Variants in GABRA4 observed in about 807,000 individuals in gnomAD.
GABRA4 encodes gamma-aminobutyric acid type A receptor subunit alpha4, also known as gamma-aminobutyric acid receptor subunit alpha-4.
Under a neutral mutation model 49.7 loss-of-function variants are expected in GABRA4, and 12 were observed. The ratio of observed to expected loss-of-function variants is 0.24; its 90% CI spans 0.15 to 0.39. The LOEUF is 0.39. GABRA4 is among the 10% of genes least tolerant of loss of function. GABRA4 has a pLI of 1.00. For synonymous variants in GABRA4, 288 were observed against 240.2 expected (o/e 1.20, Z -1.84); for missense variants, 506 against 686.0 (o/e 0.74, Z 2.93).
intron 8 of GABRA4, among the ~76,000 whole-genome samples, chr4:46,956,764 AACTGGGGAAAAATATATT>A (rs1193990060): frequency 2.0e-5 from 3 of 152,018 alleles, no homozygotes; most frequent in African/African-American, 7.2e-5. Flanking sequence ...ACTTTTTGAA[AACTGGGGAAAAATATATT>A]ACTTTTTAAA....
rs1721120037 is a variant in GABRA4, at chr4:46,923,904, C to G, written c.*4321G>C. On this transcript the variant is annotated 3_prime_UTR_variant, in exon 9 of 9. Coordinates refer to ENST00000264318, the MANE Select transcript of GABRA4 (RefSeq NM_000809.4). Reference sequence around the variant, plus strand: ...TTCACCCTTACCTCCAAACACAGAACTAAGAATTTGTAGTAAGAGTTCCCC... The same window carrying G: ...TTCACCCTTACCTCCAAACACAGAAGTAAGAATTTGTAGTAAGAGTTCCCC... 6.6e-6 allele frequency: 1 copy of G among 152,068 alleles called. No individual in the cohort carries two copies. The highest frequency in any genetic ancestry group is 6.6e-5 in the Admixed American group (1 of 15,232). 9.4% of individuals were successfully genotyped at this position (152,068 alleles called of 1,614,324 possible). A position where few individuals can be genotyped will look rare whatever the true frequency, so the allele number is the denominator to read the frequency against.
chr4:46,942,316 C>G (rs544315275), intron 8 of GABRA4, among the ~76,000 whole-genome samples: 1 of 152,082 alleles, frequency 6.6e-6, no homozygotes, highest in South Asian at 2.1e-4. Flanking sequence ...TCCACTTCTT[C>G]GTCTGTCACT....
chr4:46,945,601 A>G (rs895954268), intron 8 of GABRA4, among the ~76,000 whole-genome samples: 7 of 152,130 alleles, frequency 4.6e-5, no homozygotes, highest in African/African-American at 1.2e-4. Flanking sequence ...TAAATCTTCC[A>G]TGAATATCTC....
intron 2 of GABRA4, among the ~76,000 whole-genome samples, chr4:46,984,603 A>G (rs924632242): frequency 1.3e-5 from 2 of 152,100 alleles, no homozygotes; most frequent in Non-Finnish European, 2.9e-5. Context: ...AACAACAAAA[A>G]TAAAAATAAA....
At chr4:46,944,570 G>T (rs183798380) in intron 8 of GABRA4, among the ~76,000 whole-genome samples, 1 of 152,180 alleles carries the variant, frequency 6.6e-6, no homozygotes, top group African/African-American at 2.4e-5. Flanking sequence ...CTCTAGCCAG[G>T]ATGTCTTAGT....
chr4:46,945,806 A>G (rs114424777), intron 8 of GABRA4, among the ~76,000 whole-genome samples: 290 of 152,260 alleles, frequency 1.9e-3, no homozygotes, highest in African/African-American at 6.7e-3. Context: ...AAAGTAGCCT[A>G]CAGGCTTTTT....
intron 6 of GABRA4, among the ~76,000 whole-genome samples, chr4:46,971,554 C>G (rs1302767651): frequency 6.6e-6 from 1 of 151,280 alleles, no homozygotes; most frequent in African/African-American, 2.4e-5. Flanking sequence ...TCATTTTCAG[C>G]GTTTTTTAGA....
intron 6 of GABRA4, among the ~76,000 whole-genome samples, chr4:46,973,677 A>G (rs1723034871): frequency 6.6e-6 from 1 of 151,872 alleles, no homozygotes; most frequent in South Asian, 2.1e-4. Context: ...ACTAAATTCT[A>G]TAATTCTTCC....
chr4:46,983,000 G>T (rs556365046), intron 2 of GABRA4, among the ~76,000 whole-genome samples: 1 of 152,144 alleles, frequency 6.6e-6, no homozygotes, highest in South Asian at 2.1e-4. Context: ...TATGTGCCAG[G>T]TAGGCTATTA....
chr4:46,940,535 A>T (rs534805281), intron 8 of GABRA4, among the ~76,000 whole-genome samples: 1 of 152,266 alleles, frequency 6.6e-6, no homozygotes, highest in Non-Finnish European at 1.5e-5. Flanking sequence ...TTTTAAAATC[A>T]GTCCTCTCCC....
intron 1 of GABRA4, 152 bp downstream of exon 1, chr4:46,993,187 G>A (rs1208242619): frequency 2.7e-6 from 2 of 751,318 alleles, no homozygotes; most frequent in Non-Finnish European, 4.5e-6. Context: ...GCATCTATGC[G>A]GTCACAGAAA....
intron 8 of GABRA4, among the ~76,000 whole-genome samples, chr4:46,939,576 G>A (rs1315437832): frequency 5.9e-5 from 9 of 151,752 alleles, no homozygotes; most frequent in African/African-American, 1.9e-4. Context: ...CACTTCAAGA[G>A]GCCACCTGGA....
chr4:46,944,210 T>TACATGTATGTCAAA (rs1721908750), intron 8 of GABRA4, among the ~76,000 whole-genome samples: 1 of 152,168 alleles, frequency 6.6e-6, no homozygotes, highest in Admixed American at 6.6e-5. Flanking sequence ...GTTCACCATG[T>TACATGTATGTCAAA]ACATGTATGT....
At chr4:46,934,230 G>T (rs905498938) in intron 8 of GABRA4, among the ~76,000 whole-genome samples, 1 of 151,912 alleles carries the variant, frequency 6.6e-6, no homozygotes, top group African/African-American at 2.4e-5. Flanking sequence ...TAAAAAAAAA[G>T]AATCTAGTAA....
intron 8 of GABRA4, among the ~76,000 whole-genome samples, chr4:46,947,247 C>T (rs975481312): frequency 6.6e-6 from 1 of 151,914 alleles, no homozygotes; most frequent in South Asian, 2.1e-4. Flanking sequence ...GGAAACATTC[C>T]TTTTTTAAAA....
intron 8 of GABRA4, among the ~76,000 whole-genome samples, chr4:46,935,442 A>G (rs1197860136): frequency 6.6e-6 from 1 of 152,222 alleles, no homozygotes; most frequent in Non-Finnish European, 1.5e-5. Flanking sequence ...CTGAAGTCAC[A>G]TAATAAGATT....
chr4:46,970,148 G>A (rs1012186191), intron 7 of GABRA4, among the ~76,000 whole-genome samples: 1 of 151,318 alleles, frequency 6.6e-6, no homozygotes, highest in African/African-American at 2.4e-5. Context: ...AGGATGGGGA[G>A]GTAGGATGAA....
In GABRA4 at chr4:46,947,131, T is replaced by C. The variant is rs188833967; in HGVS notation, c.1134+17839A>G. Among the ~76,000 whole-genome samples, 3 of 152,120 alleles carry C rather than the reference T, an allele frequency of 2.0e-5. No individual in the cohort carries two copies. The East Asian group carries it at 5.8e-4, about 30-fold the overall frequency. Reference sequence around the variant, plus strand: ...GCAGTTGCCAAGGAGATAATGTATGTCATTCCTACAAATAACATGTTGCTC... The same window carrying C: ...GCAGTTGCCAAGGAGATAATGTATGCCATTCCTACAAATAACATGTTGCTC... On this transcript the variant is annotated intron_variant, in intron 8 of 8. Transcript: ENST00000264318.
At chr4:46,983,913 G>T (rs1288243267) in intron 2 of GABRA4, among the ~76,000 whole-genome samples, 1 of 151,998 alleles carries the variant, frequency 6.6e-6, no homozygotes, top group Non-Finnish European at 1.5e-5. Context: ...AGGTAAACAA[G>T]ATGATTCAAC....
Sources: allele counts gnomAD v4.1 joint callset (sites outside exome capture counted in the v4.1 genomes callset), GRCh38; gene constraint gnomAD v4.1.1; transcripts MANE v1.5; gene names NCBI Gene and HGNC (gene_info 2026-07-23, HGNC 2026-07-21).